SBF2: variants seen among roughly 807,000 people sequenced by gnomAD.
The protein encoded by SBF2 is myotubularin-related protein 13.
In SBF2, 112 loss-of-function variants were observed where a neutral mutation model predicts 225.2. The observed-to-expected ratio is 0.50, with a 90% CI of 0.43 to 0.58. SBF2 has a LOEUF of 0.58. Among genes scored for constraint, SBF2 ranks in the 20% least tolerant of loss-of-function variants. The pLI, the probability that SBF2 is intolerant of heterozygous loss-of-function variation, is 0.00. For synonymous variants in SBF2, 763 were observed against 773.3 expected (o/e 0.99, Z 0.22); for missense variants, 1,996 against 2,206.2 (o/e 0.90, Z 1.91).
chr11:10,053,654 C>T (rs941198442), intron 2 of SBF2, among the ~76,000 whole-genome samples: 2 of 151,936 alleles, frequency 1.3e-5, no homozygotes, highest in African/African-American at 2.4e-5. Flanking sequence ...ATTTGGGAGG[C>T]TGAGGCCAGA....
At chr11:10,260,700 CT>C (rs1961343273) in intron 1 of SBF2, among the ~76,000 whole-genome samples, 1 of 131,446 alleles carries the variant, frequency 7.6e-6, no homozygotes, top group Non-Finnish European at 1.6e-5. Context: ...GAGATTCCAT[CT>C]CAAAAAAAAA....
At chr11:9,895,375 G>A (rs1462591964) in intron 17 of SBF2, among the ~76,000 whole-genome samples, 1 of 152,098 alleles carries the variant, frequency 6.6e-6, no homozygotes, top group Non-Finnish European at 1.5e-5. Flanking sequence ...TCCTTCACGG[G>A]AAAAGAAATT....
intron 6 of SBF2, among the ~76,000 whole-genome samples, chr11:10,025,392 A>T (rs1200141795): frequency 6.6e-6 from 1 of 152,042 alleles, no homozygotes; most frequent in African/African-American, 2.4e-5. Context: ...TAAAAAAAAA[A>T]TCCACCTTGG....
Position 9,990,396 on chromosome 11 carries a change from C to T in SBF2, c.1297-801G>A, listed in dbSNP as rs141077329. Reference sequence around the variant, plus strand: ...ACAAGGCCATGCACAATGCAAGCTGCCTCTCAAAGCCCCCATAACACCCCA... The same window carrying T: ...ACAAGGCCATGCACAATGCAAGCTGTCTCTCAAAGCCCCCATAACACCCCA... On this transcript the variant is annotated intron_variant, in intron 12 of 39. Coordinates refer to ENST00000256190, the MANE Select transcript of SBF2 (RefSeq NM_030962.4). Among the ~76,000 whole-genome samples the T allele has an allele frequency of 1.2e-3, 190 of 152,302 alleles. 2 individuals carry two copies. The highest frequency in any genetic ancestry group is 0.011 in the Admixed American group (161 of 15,296).
At chr11:10,160,364 C>G (rs760198627) in intron 2 of SBF2, among the ~76,000 whole-genome samples, 2 of 152,126 alleles carry the variant, frequency 1.3e-5, no homozygotes, top group Non-Finnish European at 2.9e-5. Context: ...AAAACCTTGC[C>G]TCTTTCCATC....
chr11:10,088,811 C>T (rs142820747), intron 2 of SBF2, among the ~76,000 whole-genome samples: 1 of 152,330 alleles, frequency 6.6e-6, no homozygotes, highest in African/African-American at 2.4e-5. Context: ...GTGGGACAAA[C>T]ATCCAAACTA....
intron 2 of SBF2, among the ~76,000 whole-genome samples, chr11:10,162,201 C>A (rs1221293715): frequency 2.0e-5 from 3 of 147,414 alleles, no homozygotes; most frequent in Admixed American, 6.7e-5. Context: ...TTTTTTTTTC[C>A]AACAGGGCAG....
In SBF2 at chr11:9,881,008, T is replaced by C. The variant is rs549537114; in HGVS notation, c.1929+14935A>G. On this transcript the variant is annotated intron_variant, in intron 17 of 39. Transcript: ENST00000256190. ...AATCCTTTTACTGCCTACAGAAGAC[T>C]CTGGCAAGTGCTTAACAAAAAGATC... Among the ~76,000 whole-genome samples the C allele has an allele frequency of 8.5e-5, 13 of 152,302 alleles. No individual in the cohort carries two copies. In the South Asian group the frequency reaches 1.9e-3, roughly 22 times the overall value.
chr11:10,201,664 A>G (rs1379857481), intron 1 of SBF2, among the ~76,000 whole-genome samples: 2 of 152,226 alleles, frequency 1.3e-5, no homozygotes, highest in African/African-American at 4.8e-5. Flanking sequence ...TATTTTTCCC[A>G]GAGTTAAACT....
chr11:9,961,715 T>G (rs1866580791), intron 16 of SBF2: 1 of 415,034 alleles, frequency 2.4e-6, no homozygotes, highest in Non-Finnish European at 4.3e-6. Context: ...AGAACTTGCT[T>G]ATATTACAGA....
At chr11:10,078,933 C>A (rs1446569651) in intron 2 of SBF2, among the ~76,000 whole-genome samples, 1 of 152,032 alleles carries the variant, frequency 6.6e-6, no homozygotes, top group Non-Finnish European at 1.5e-5. Context: ...TTAAGAAATC[C>A]ACCAAACTGA....
At chr11:10,280,495 CAT>C (rs1327748191) in intron 1 of SBF2, among the ~76,000 whole-genome samples, 5 of 152,170 alleles carry the variant, frequency 3.3e-5, no homozygotes, top group Non-Finnish European at 7.3e-5. Context: ...ATTCAACAAA[CAT>C]GTTACTGAGA....
intron 2 of SBF2, among the ~76,000 whole-genome samples, chr11:10,086,703 C>A (rs929539035): frequency 1.3e-5 from 2 of 152,164 alleles, no homozygotes; most frequent in Admixed American, 1.3e-4. Flanking sequence ...GTTGAGGACA[C>A]TGCAGAGATA....
chr11:10,295,153 C>G (rs1964453944), upstream of SBF2, among the ~76,000 whole-genome samples: 1 of 152,152 alleles, frequency 6.6e-6, no homozygotes, highest in Non-Finnish European at 1.5e-5. Context: ...TGGAAATCTC[C>G]GTGGTTTAGA....
chr11:9,829,707 T>G (rs1460233147), intron 27 of SBF2: 4 of 526,514 alleles, frequency 7.6e-6, no homozygotes, highest in Non-Finnish European at 1.4e-5. Flanking sequence ...TTACCACACC[T>G]ACTTCTTGAT....
At chr11:9,796,355 CA>C (rs372983586) in intron 32 of SBF2, among the ~76,000 whole-genome samples, 70 of 152,022 alleles carry the variant, frequency 4.6e-4, no homozygotes, top group African/African-American at 1.6e-3. Flanking sequence ...CCACTCACTA[CA>C]TTATACTGTG....
rs185264589 is a variant in SBF2, at chr11:9,832,349, C to T, written c.3527G>A (p.Arg1176Gln). 2.4e-5 allele frequency: 38 copies of T among 1,613,976 alleles called. No individual in the cohort carries two copies. Among genetic ancestry groups the T allele is most frequent in the Admixed American group, 1.3e-4 (8 of 60,012 alleles). Reference protein sequence around the residue: ...SSLPRVARCYRHNRLPVVCWK... With the variant: ...SSLPRVARCYQHNRLPVVCWK... The stretch of plus-strand genomic sequence containing the variant: ...ACATACAACAGGCAGGCGATTGTGT[C>T]GATAGCAGCGAGCTACTCTTGGTAA... The change falls in exon 27 of 40, where the codon CGA (arginine) becomes CAA (glutamine). Residue 1176 changes from arginine to glutamine, a missense_variant. Coordinates refer to ENST00000256190, the MANE Select transcript of SBF2 (RefSeq NM_030962.4).
At chr11:10,283,829 T>C (rs991640980) in intron 1 of SBF2, among the ~76,000 whole-genome samples, 1 of 152,156 alleles carries the variant, frequency 6.6e-6, no homozygotes, top group Admixed American at 6.5e-5. Flanking sequence ...TTTCAAATTA[T>C]CAAAATCAAA....
At chr11:10,248,861 C>T (rs1036481687) in intron 1 of SBF2, among the ~76,000 whole-genome samples, 43 of 152,196 alleles carry the variant, frequency 2.8e-4, no homozygotes, top group Admixed American at 2.1e-3. Flanking sequence ...TTTGGGAGGC[C>T]GAGGTGGGCG....
Sources: allele counts gnomAD v4.1 joint callset (sites outside exome capture counted in the v4.1 genomes callset), GRCh38; gene constraint gnomAD v4.1.1; transcripts MANE v1.5; gene names NCBI Gene and HGNC (gene_info 2026-07-23, HGNC 2026-07-21).